The following XKR6 variants were observed in gnomAD, a reference collection of about 807,000 sequenced individuals.
The protein encoded by XKR6 is XK-related protein 6.
Under a neutral mutation model 56.7 loss-of-function variants are expected in XKR6, and 22 were observed. That is an observed-to-expected ratio of 0.39 (90% confidence interval 0.28 to 0.55). XKR6 has a LOEUF of 0.55. Among genes scored for constraint, XKR6 ranks in the 20% least tolerant of loss-of-function variants. XKR6 has a pLI of 0.66. For missense variants in XKR6, 852 were observed against 889.0 expected (o/e 0.96, Z 0.53); for synonymous variants, 524 against 387.8 (o/e 1.35, Z -4.13).
intron 1 of XKR6, among the ~76,000 whole-genome samples, chr8:10,943,078 TTC>T (rs1325759878): frequency 1.3e-5 from 2 of 152,228 alleles, no homozygotes; most frequent in African/African-American, 4.8e-5. Flanking sequence ...TCTGGGGCTC[TTC>T]TACCTGCCTG....
At chr8:11,009,707 A>G (rs1344977104) in intron 1 of XKR6, among the ~76,000 whole-genome samples, 1 of 152,238 alleles carries the variant, frequency 6.6e-6, no homozygotes, top group Non-Finnish European at 1.5e-5. Flanking sequence ...CTGTGGAGAC[A>G]TGATGGCATC....
intron 1 of XKR6, among the ~76,000 whole-genome samples, chr8:11,185,097 G>T (rs187614876): frequency 6.6e-6 from 1 of 152,260 alleles, no homozygotes; most frequent in Admixed American, 6.5e-5. Flanking sequence ...CCCAGTCTAA[G>T]GACATGGGTG....
chr8:11,044,276 T>A (rs1045298481), intron 1 of XKR6, among the ~76,000 whole-genome samples: 2 of 152,216 alleles, frequency 1.3e-5, no homozygotes, highest in African/African-American at 4.8e-5. Context: ...ACATGGAACA[T>A]AAAGTGCATG....
intron 1 of XKR6, chr8:11,063,146 T>C (rs2129164510): frequency 4.4e-6 from 1 of 225,450 alleles, no homozygotes; most frequent in Non-Finnish European, 9.0e-6. Context: ...GAAGATCACT[T>C]GAGGCCAGGA....
chr8:10,966,995 G>T (rs1342162042), intron 1 of XKR6, among the ~76,000 whole-genome samples: 1 of 152,148 alleles, frequency 6.6e-6, no homozygotes. Flanking sequence ...ACTACTCAAA[G>T]TGTGGTCTCG....
chr8:10,970,475 A>G (rs564219216), intron 1 of XKR6, among the ~76,000 whole-genome samples: 1 of 152,276 alleles, frequency 6.6e-6, no homozygotes, highest in Admixed American at 6.5e-5. Context: ...CAAGGTCTCA[A>G]TAACACAACA....
intron 1 of XKR6, chr8:11,126,091 CAG>C (rs1322331519): frequency 2.7e-5 from 4 of 150,126 alleles, no homozygotes; most frequent in Non-Finnish European, 4.4e-5. Flanking sequence ...TTTTTTGAGA[CAG>C]AGTCTCCCTC....
At chr8:11,099,003 G>A (rs557396377) in intron 1 of XKR6, among the ~76,000 whole-genome samples, 2 of 152,268 alleles carry the variant, frequency 1.3e-5, no homozygotes, top group South Asian at 4.1e-4. Context: ...TATAGTCTAG[G>A]AGAATAATGA....
At chr8:11,179,685 G>A (rs1298940755) in intron 1 of XKR6, among the ~76,000 whole-genome samples, 6 of 152,114 alleles carry the variant, frequency 3.9e-5, no homozygotes, top group African/African-American at 1.4e-4. Flanking sequence ...CAATTGCTCG[G>A]TGTCAACACT....
At chr8:10,956,949 A>C (rs947720588) in intron 1 of XKR6, among the ~76,000 whole-genome samples, 1 of 152,080 alleles carries the variant, frequency 6.6e-6, no homozygotes, top group Non-Finnish European at 1.5e-5. Flanking sequence ...TCCATAACTC[A>C]GTATTTTTTT....
At chr8:11,090,128 G>A (rs1457675232) in intron 1 of XKR6, among the ~76,000 whole-genome samples, 2 of 152,126 alleles carry the variant, frequency 1.3e-5, no homozygotes, top group Admixed American at 6.5e-5. Flanking sequence ...CAGTCACCCA[G>A]GCTGGAGTGC....
rs936610354 is a variant in XKR6 at position 11,201,516 on chromosome 8, T to G, written c.-177A>C. On this transcript the variant is annotated 5_prime_UTR_variant, in exon 1 of 3. Transcript: ENST00000416569. ...GGGAACCCCCTCCGCTTCCGGGTAG[T>G]TGGCGTCACTTCCGGGCGAGCCCCC... 1 of 559,214 alleles carries G rather than the reference T, an allele frequency of 1.8e-6. No individual in the cohort carries two copies. Among genetic ancestry groups the G allele is most frequent in the Admixed American group, 3.5e-5 (1 of 28,628 alleles). The allele number at this position is 559,214 out of a possible 1,614,324, so 34.6% of individuals were successfully genotyped here.
At chr8:11,180,348 A>T (rs1802901079) in intron 1 of XKR6, among the ~76,000 whole-genome samples, 1 of 152,178 alleles carries the variant, frequency 6.6e-6, no homozygotes, top group African/African-American at 2.4e-5. Flanking sequence ...ACCATGGCAC[A>T]AGGAATGTTT....
chr8:11,083,401 C>T (rs1363722711), intron 1 of XKR6, among the ~76,000 whole-genome samples: 1 of 152,188 alleles, frequency 6.6e-6, no homozygotes. Context: ...AGCTGGGAGC[C>T]ACCTGTCAGG....
chr8:11,136,803 C>T (rs187783726), intron 1 of XKR6: 2 of 152,310 alleles, frequency 1.3e-5, no homozygotes, highest in Non-Finnish European at 2.9e-5. Flanking sequence ...GTTTAAGCCA[C>T]CCAGGCAATG....
At chr8:11,103,688 G>C (rs1052928401) in intron 1 of XKR6, among the ~76,000 whole-genome samples, 1 of 152,144 alleles carries the variant, frequency 6.6e-6, no homozygotes, top group African/African-American at 2.4e-5. Context: ...AGCTTGCTTT[G>C]GAGGGAGACT....
At chr8:11,192,130 C>G (rs961284700) in intron 1 of XKR6, among the ~76,000 whole-genome samples, 2 of 151,810 alleles carry the variant, frequency 1.3e-5, no homozygotes, top group East Asian at 3.9e-4. Flanking sequence ...CCAGCCTGGG[C>G]AATATAGCAA....
At chr8:11,054,446 C>T (rs547748556) in intron 1 of XKR6, among the ~76,000 whole-genome samples, 3 of 152,190 alleles carry the variant, frequency 2.0e-5, no homozygotes, top group Non-Finnish European at 4.4e-5. Context: ...TATGCAATGT[C>T]CTGGGGAGGG....
At chr8:11,193,138 GCT>G (rs1282019882) in intron 1 of XKR6, among the ~76,000 whole-genome samples, 1 of 152,144 alleles carries the variant, frequency 6.6e-6, no homozygotes, top group Non-Finnish European at 1.5e-5. Flanking sequence ...ACAATATGTA[GCT>G]CTCTGTGAAA....
Sources: gnomAD v4.1 joint callset for allele counts (sites outside exome capture counted in the v4.1 genomes callset) on GRCh38, gnomAD v4.1.1 for gene constraint, MANE v1.5 for transcripts, NCBI Gene and HGNC (gene_info 2026-07-23, HGNC 2026-07-21) for gene names.